Variants in CNTNAP2 observed in about 807,000 individuals in gnomAD.
CNTNAP2 encodes the protein contactin-associated protein-like 2.
A neutral mutation model predicts 155.2 loss-of-function variants in CNTNAP2; 98 were observed. That is an observed-to-expected ratio of 0.63 (90% CI 0.54 to 0.75). The LOEUF is 0.75. Ranked by LOEUF, CNTNAP2 falls within the 30% of genes least tolerant of loss-of-function variation. The pLI is 0.00. For missense variants in CNTNAP2, 1,727 were observed against 1,688.1 expected, an observed-to-expected ratio of 1.02 and a Z score of -0.40; for synonymous variants, 651 against 631.2, an observed-to-expected ratio of 1.03 and a Z score of -0.47.
intron 3 of CNTNAP2, among the ~76,000 whole-genome samples, chr7:146,931,040 T>C (rs1191958214): frequency 4.6e-5 from 7 of 151,896 alleles, no homozygotes; most frequent in East Asian, 1.9e-4. Context: ...GACAGAAAGT[T>C]AACAAGGATA....
intron 10 of CNTNAP2, among the ~76,000 whole-genome samples, chr7:147,414,077 C>T (rs1001043100): frequency 6.6e-5 from 10 of 152,116 alleles, no homozygotes; most frequent in African/African-American, 2.2e-4. Flanking sequence ...TCATGTTTTA[C>T]GTTACATATT....
chr7:148,311,361 G>A (rs560529112), intron 21 of CNTNAP2, among the ~76,000 whole-genome samples: 1 of 141,228 alleles, frequency 7.1e-6, no homozygotes, highest in South Asian at 2.1e-4. Flanking sequence ...TGTTTGCTAA[G>A]GAGGGATTAG....
At chr7:146,343,664 A>T (rs1275214020) in intron 1 of CNTNAP2, among the ~76,000 whole-genome samples, 1 of 152,206 alleles carries the variant, frequency 6.6e-6, no homozygotes, top group East Asian at 1.9e-4. Context: ...ACAATCTGAG[A>T]TGACTGAATT....
chr7:147,406,014 C>A (rs1051829288), intron 10 of CNTNAP2, among the ~76,000 whole-genome samples: 3 of 152,130 alleles, frequency 2.0e-5, no homozygotes, highest in African/African-American at 7.2e-5. Flanking sequence ...TGTAGGTTTT[C>A]AGTTAAATTA....
At chr7:147,555,696 A>G (rs1799939231) in intron 11 of CNTNAP2, among the ~76,000 whole-genome samples, 1 of 152,232 alleles carries the variant, frequency 6.6e-6, no homozygotes. Flanking sequence ...TAAGTTTCTC[A>G]CATGGGTTAA....
At chr7:147,269,114 C>T (rs1804682539) in intron 8 of CNTNAP2, among the ~76,000 whole-genome samples, 1 of 152,172 alleles carries the variant, frequency 6.6e-6, no homozygotes, top group Non-Finnish European at 1.5e-5. Context: ...TCCTAGAACT[C>T]ACGGGTCCTG....
chr7:146,882,248 G>A (rs1351572391), intron 3 of CNTNAP2, among the ~76,000 whole-genome samples: 1 of 151,980 alleles, frequency 6.6e-6, no homozygotes, highest in Non-Finnish European at 1.5e-5. Flanking sequence ...TCTTTGCTAT[G>A]GTGAATAGTG....
At chr7:146,895,887 T>G (rs1795868234) in intron 3 of CNTNAP2, among the ~76,000 whole-genome samples, 1 of 152,118 alleles carries the variant, frequency 6.6e-6, no homozygotes, top group African/African-American at 2.4e-5. Context: ...TTGCAACTAT[T>G]CATATGTACT....
intron 8 of CNTNAP2, among the ~76,000 whole-genome samples, chr7:147,260,320 T>A (rs1438507665): frequency 6.6e-6 from 1 of 152,182 alleles, no homozygotes; most frequent in Non-Finnish European, 1.5e-5. Flanking sequence ...CAAAAATATT[T>A]TTGTTTCAGG....
At chr7:147,340,069 G>A (rs77904725) in intron 9 of CNTNAP2, among the ~76,000 whole-genome samples, 5,967 of 152,142 alleles carry the variant, frequency 0.039, 163 homozygotes, top group Non-Finnish European at 0.062. Context: ...TTTCTGTTTC[G>A]CTTTGGCTAA....
intron 1 of CNTNAP2, among the ~76,000 whole-genome samples, chr7:146,185,664 G>C (rs548846614): frequency 6.6e-6 from 1 of 152,010 alleles, no homozygotes; most frequent in African/African-American, 2.4e-5. Context: ...CCAAGGGCTT[G>C]ATAAAGCAAT....
intron 1 of CNTNAP2, among the ~76,000 whole-genome samples, chr7:146,476,526 G>A (rs951345145): frequency 6.6e-6 from 1 of 151,750 alleles, no homozygotes; most frequent in Admixed American, 6.6e-5. Context: ...TTTACTTTTG[G>A]AGAGGCAAGC....
Position 147,988,113 on chromosome 7 carries a change from G to A in CNTNAP2, c.2383+10124G>A, listed in dbSNP as rs148683030. ...GAGGGTGGTGGGGGTAGGGGTTCCAGGCTATAGGTGAATTTAAATATTTTG... is the reference window on the plus strand; with the variant it reads ...GAGGGTGGTGGGGGTAGGGGTTCCAAGCTATAGGTGAATTTAAATATTTTG... On this transcript the variant is annotated intron_variant, in intron 15 of 23. Coordinates refer to ENST00000361727, the MANE Select transcript of CNTNAP2 (RefSeq NM_014141.6). 8.6e-3 allele frequency among the ~76,000 whole-genome samples: 1,306 copies of A among 152,276 alleles called. 12 individuals carry two copies. The highest frequency in any genetic ancestry group is 0.014 in the Non-Finnish European group (965 of 68,020).
intron 13 of CNTNAP2, among the ~76,000 whole-genome samples, chr7:147,662,210 A>C (rs1023624746): frequency 8.5e-5 from 13 of 152,238 alleles, no homozygotes; most frequent in Non-Finnish European, 1.6e-4. Flanking sequence ...TTGCCCAGTA[A>C]GTACCCTCTC....
At chr7:147,127,376 C>T (rs1325000817) in intron 6 of CNTNAP2, among the ~76,000 whole-genome samples, 2 of 150,958 alleles carry the variant, frequency 1.3e-5, no homozygotes, top group Admixed American at 1.3e-4. Flanking sequence ...TAAATGAGGC[C>T]TTTGTTTTTT....
At chr7:148,381,868 T>G (rs1563065756) in intron 21 of CNTNAP2, among the ~76,000 whole-genome samples, 3 of 2,550 alleles carry the variant, frequency 1.2e-3, no homozygotes. Flanking sequence ...TACTGCACAT[T>G]GGCCCCCCCC....
intron 8 of CNTNAP2, among the ~76,000 whole-genome samples, chr7:147,159,638 A>G (rs1801989009): frequency 6.6e-6 from 1 of 152,146 alleles, no homozygotes; most frequent in South Asian, 2.1e-4. Context: ...ATATGTTCTG[A>G]AGGCCAGAAT....
At chr7:146,832,131 C>G (rs906399037) in intron 2 of CNTNAP2, among the ~76,000 whole-genome samples, 1 of 152,002 alleles carries the variant, frequency 6.6e-6, no homozygotes, top group Non-Finnish European at 1.5e-5. Flanking sequence ...GATGTTTATC[C>G]CCCACTGCAA....
At chr7:147,858,362 C>T (rs1401424191) in intron 13 of CNTNAP2, among the ~76,000 whole-genome samples, 1 of 152,216 alleles carries the variant, frequency 6.6e-6, no homozygotes, top group African/African-American at 2.4e-5. Flanking sequence ...GCTGGGATGA[C>T]AGGCGTAAGC....
Sources: gnomAD v4.1 joint callset for allele counts (sites outside exome capture counted in the v4.1 genomes callset) on GRCh38, gnomAD v4.1.1 for gene constraint, MANE v1.5 for transcripts, NCBI Gene and HGNC (gene_info 2026-07-23, HGNC 2026-07-21) for gene names.